The following ABCB5 variants were observed in gnomAD, a reference collection of about 807,000 sequenced individuals.
ABCB5 encodes ATP binding cassette subfamily B member 5.
In ABCB5, 155 loss-of-function variants were observed where a neutral mutation model predicts 144.2. The observed-to-expected ratio is 1.08, with a 90% CI of 0.94 to 1.23. ABCB5 has a LOEUF of 1.23. ABCB5 is among the 50% of genes most tolerant of loss of function. ABCB5 has a pLI of 0.00. For synonymous variants in ABCB5, 610 were observed against 528.6 expected, an observed-to-expected ratio of 1.15 and a Z score of -2.11; for missense variants, 1,830 against 1,520.8, an observed-to-expected ratio of 1.20 and a Z score of -3.38.
intron 5 of ABCB5, among the ~76,000 whole-genome samples, chr7:20,638,674 T>C (rs1402844274): frequency 6.6e-6 from 1 of 152,200 alleles, no homozygotes; most frequent in East Asian, 1.9e-4. Flanking sequence ...ATCCATGTTG[T>C]AACAGGTAGG....
At chr7:20,665,656 G>A (rs553461247) in intron 14 of ABCB5, among the ~76,000 whole-genome samples, 2 of 151,760 alleles carry the variant, frequency 1.3e-5, no homozygotes, top group South Asian at 2.1e-4. Context: ...AGGTAGGGCC[G>A]TACCCCCAAC....
intron 14 of ABCB5, among the ~76,000 whole-genome samples, chr7:20,661,597 A>C (rs1288821436): frequency 6.9e-6 from 1 of 145,024 alleles, no homozygotes; most frequent in Non-Finnish European, 1.5e-5. Flanking sequence ...GTGCAGTGGC[A>C]TGATCTTCAC....
At chr7:20,676,215 C>A (rs117564389) in intron 14 of ABCB5, among the ~76,000 whole-genome samples, 2 of 149,464 alleles carry the variant, frequency 1.3e-5, no homozygotes, top group East Asian at 3.9e-4. Flanking sequence ...TATAAGAATA[C>A]GCACATTAAT....
chr7:20,745,295 G>A lies in ABCB5; in HGVS notation c.3286G>A (p.Val1096Ile), dbSNP rs1467146207. The change falls in exon 26 of 28, where the codon GTT becomes ATT. Residue 1096 changes from valine to isoleucine, a missense_variant. Val to Ile is a conservative substitution (Grantham distance 29). Transcript: ENST00000404938. ...GTGGCTCCGTTCCCAAATAGCAATCGTTCCTCAAGAGCCTGTGCTCTTCAA... is the reference window on the plus strand; with the variant it reads ...GTGGCTCCGTTCCCAAATAGCAATCATTCCTCAAGAGCCTGTGCTCTTCAA... ...VQWLRSQIAI[V>I]PQEPVLFNCS... is the part of the protein sequence containing the mutation. 5.6e-6 allele frequency: 9 copies of A among 1,613,876 alleles called. No homozygotes were observed. The highest frequency in any genetic ancestry group is 1.6e-4 in the Middle Eastern group (1 of 6,078).
Position 20,748,376 on chromosome 7 carries a change from G to A in ABCB5, c.3429+2938G>A, listed in dbSNP as rs557786505. 1.4e-4 allele frequency among the ~76,000 whole-genome samples: 19 copies of A among 133,610 alleles called. No individual in the cohort carries two copies. The East Asian group carries it at 3.5e-3, about 24-fold the overall frequency. The allele number at this position is 133,610 out of a possible 152,430, so 87.7% of individuals were successfully genotyped here. ...GATAGAATTAATTTTATCTGAAGGT[G>A]TAGTGGCTCACACCTGTAATCCTAG... On this transcript the variant is annotated intron_variant, in intron 26 of 27. Transcript: ENST00000404938.
chr7:20,701,706 G>A (rs1292643736), intron 19 of ABCB5, among the ~76,000 whole-genome samples: 1 of 152,028 alleles, frequency 6.6e-6, no homozygotes, highest in African/African-American at 2.4e-5. Context: ...ATAAACTCTG[G>A]GTTTTAAAAT....
intron 14 of ABCB5, among the ~76,000 whole-genome samples, chr7:20,675,246 T>C (rs548466315): frequency 7.7e-4 from 117 of 152,088 alleles, no homozygotes; most frequent in African/African-American, 2.6e-3. Flanking sequence ...TCAAAATACA[T>C]TACAAAGTTA....
chr7:20,749,994 G>C (rs1782866347), intron 26 of ABCB5, among the ~76,000 whole-genome samples: 1 of 152,154 alleles, frequency 6.6e-6, no homozygotes, highest in Non-Finnish European at 1.5e-5. Flanking sequence ...AAGGTAAAAA[G>C]CTGGCACTTA....
At chr7:20,660,039 G>T in intron 14 of ABCB5, 1 of 985,436 alleles carries the variant, frequency 1.0e-6, no homozygotes, top group Non-Finnish European at 1.2e-6. Flanking sequence ...TGTTTAGAAG[G>T]TTTCATGTTG....
Position 20,698,534 on chromosome 7 carries a change from T to C in ABCB5, c.2138T>C (p.Phe713Ser), listed in dbSNP as rs200222060. 2.5e-6 allele frequency: 4 copies of C among 1,592,734 alleles called. No homozygotes were observed. Among genetic ancestry groups the C allele is most frequent in the Non-Finnish European group, 3.4e-6 (4 of 1,174,290 alleles). ...GTTCATCCAGTATTTTCCATCATCT[T>C]TGCAAAAATTATAACCGTAAGTAAA... ...GTVHPVFSII[F>S]AKIITMFGNN... The change falls in exon 17 of 28, where the codon TTT becomes TCT. Residue 713 changes from phenylalanine to serine, a missense_variant. Physicochemically the swap from Phe to Ser is radical, Grantham distance 155. Transcript: ENST00000404938.
chr7:20,626,429 T>A, intron 2 of ABCB5, 128 bp from the exon 3 acceptor site: 2 of 696,466 alleles, frequency 2.9e-6, no homozygotes, highest in Non-Finnish European at 4.6e-6. Flanking sequence ...AGTTTATTTT[T>A]AAAATTTCAG....
intron 26 of ABCB5, among the ~76,000 whole-genome samples, chr7:20,750,816 T>C (rs1782901098): frequency 6.6e-6 from 1 of 152,154 alleles, no homozygotes; most frequent in Non-Finnish European, 1.5e-5. Flanking sequence ...ATGTAATGCA[T>C]CTACCACTTA....
intron 14 of ABCB5, among the ~76,000 whole-genome samples, chr7:20,666,348 C>T (rs188749481): frequency 1.1e-4 from 16 of 152,284 alleles, no homozygotes; most frequent in Middle Eastern, 3.4e-3. Context: ...TGTGCTGACA[C>T]GCTTTCCCAG....
chr7:20,622,475 G>T (rs980407649), intron 1 of ABCB5, among the ~76,000 whole-genome samples: 6 of 152,034 alleles, frequency 3.9e-5, no homozygotes, highest in African/African-American at 1.4e-4. Flanking sequence ...CTATTTGAAA[G>T]CTTATTAGCT....
At position 20,738,928 on chromosome 7, in the gene ABCB5, A is replaced by G. The variant is rs192442987; in HGVS notation, c.2868-55A>G. 52 of 1,498,108 alleles carry G rather than the reference A, an allele frequency of 3.5e-5. No homozygotes were observed. In the East Asian group the frequency reaches 7.6e-4, roughly 22 times the overall value. 92.8% of individuals were successfully genotyped at this position (1,498,108 alleles called of 1,614,324 possible). On this transcript the variant is annotated intron_variant, in intron 23 of 27. Coordinates refer to ENST00000404938, the MANE Select transcript of ABCB5 (RefSeq NM_001163941.2). ...CTTTTTTCTTTACTTTTAGAGTTCT[A>G]CTGTTTTACAAAGGATCGATGGACC...
intron 16 of ABCB5, among the ~76,000 whole-genome samples, chr7:20,694,748 T>G (rs1026335614): frequency 2.0e-5 from 3 of 151,984 alleles, no homozygotes; most frequent in Non-Finnish European, 4.4e-5. Context: ...TTTAGCAAGG[T>G]TGTAGAATAT....
intron 26 of ABCB5, among the ~76,000 whole-genome samples, chr7:20,747,748 A>G (rs1583468250): frequency 1.3e-5 from 2 of 152,204 alleles, no homozygotes; most frequent in East Asian, 3.8e-4. Flanking sequence ...TTTAAATTTT[A>G]ACTTTAATTT....
intron 23 of ABCB5, among the ~76,000 whole-genome samples, chr7:20,730,580 G>C (rs1348407208): frequency 6.6e-6 from 1 of 152,186 alleles, no homozygotes; most frequent in African/African-American, 2.4e-5. Flanking sequence ...CTCTAAAATA[G>C]TGTGCACTAT....
intron 14 of ABCB5, 54 bp downstream of exon 14, chr7:20,658,730 G>T (rs2128029835): frequency 1.3e-6 from 2 of 1,583,300 alleles, no homozygotes; most frequent in Non-Finnish European, 1.7e-6. Flanking sequence ...TTATTGTTTT[G>T]AAGTACAAGA....
Sources: gnomAD v4.1 joint callset for allele counts (sites outside exome capture counted in the v4.1 genomes callset) on GRCh38, gnomAD v4.1.1 for gene constraint, MANE v1.5 for transcripts, NCBI Gene and HGNC (gene_info 2026-07-23, HGNC 2026-07-21) for gene names.